The following ATP11B variants were observed in gnomAD, a reference collection of about 807,000 sequenced individuals.
ATP11B encodes the protein phospholipid-transporting ATPase IF.
Under a neutral mutation model 157.8 loss-of-function variants are expected in ATP11B, and 81 were observed. The observed-to-expected ratio is 0.51, with a 90% CI of 0.43 to 0.62. The LOEUF is 0.62. ATP11B is among the 20% of genes least tolerant of loss of function. The pLI is 0.00. For missense variants in ATP11B, 1,165 were observed against 1,402.2 expected (o/e 0.83, Z 2.70); for synonymous variants, 451 against 469.4 (o/e 0.96, Z 0.51).
intron 21 of ATP11B, among the ~76,000 whole-genome samples, chr3:182,881,232 G>A (rs1165300581): frequency 2.0e-5 from 3 of 152,064 alleles, no homozygotes; most frequent in Non-Finnish European, 2.9e-5. Flanking sequence ...TCAGAAGTTC[G>A]AGACCAACCT....
rs369967295 is a variant in ATP11B at position 182,913,974 on chromosome 3, T to C, written c.3432T>C (p.Cys1144=). 6.2e-7 allele frequency: 1 copy of C among 1,614,046 alleles called. No homozygotes were observed. Among genetic ancestry groups the C allele is most frequent in the Non-Finnish European group, 8.5e-7 (1 of 1,179,912 alleles). ...TGCTGGAACGAGTTATAGGAAGATG[T>C]AGTCCAACCCACATCAGCAGGTGTG... ...GRMLERVIGR[C]SPTHISRSWS... Residue 1144 remains cysteine, a synonymous_variant, in exon 29 of 30, where the codon TGT becomes TGC. Transcript: ENST00000323116.
intron 6 of ATP11B, chr3:182,836,711 CT>C (rs1261793032): frequency 2.0e-6 from 1 of 491,948 alleles, no homozygotes; most frequent in Non-Finnish European, 3.5e-6. Flanking sequence ...AAAATATAAT[CT>C]TTTACTATTT....
chr3:182,854,519 A>C (rs563874152), intron 10 of ATP11B, among the ~76,000 whole-genome samples: 1 of 152,230 alleles, frequency 6.6e-6, no homozygotes, highest in East Asian at 1.9e-4. Context: ...TTAGAAGAAA[A>C]CTTAGAAAGA....
chr3:182,869,860 G>T (rs1721519586), intron 17 of ATP11B, among the ~76,000 whole-genome samples: 1 of 152,206 alleles, frequency 6.6e-6, no homozygotes, highest in Non-Finnish European at 1.5e-5. Flanking sequence ...AACCCCAAAT[G>T]TCCAGCTAAC....
At position 182,828,224 on chromosome 3, in the gene ATP11B, T is replaced by C. The variant is rs1293945067; in HGVS notation, c.234+15T>C. The C allele has an allele frequency of 8.2e-7, 1 of 1,222,514 alleles. No homozygotes were observed. The highest frequency in any genetic ancestry group is 1.1e-6 in the Non-Finnish European group (1 of 870,734). 75.7% of individuals were successfully genotyped at this position (1,222,514 alleles called of 1,614,324 possible). A position where few individuals can be genotyped will look rare whatever the true frequency, so the allele number is the denominator to read the frequency against. ...TTTTGGTTCAGGTAAGCTTTATTAC[T>C]CAATCTTAAGTTTGTAAACATAGTT... On this transcript the variant is annotated intron_variant, in intron 3 of 29. Transcript: ENST00000323116.
chr3:182,793,750 C>A lies in ATP11B; in HGVS notation c.-10C>A. 1 of 1,410,336 alleles carries A rather than the reference C, an allele frequency of 7.1e-7. No individual in the cohort carries two copies. The highest frequency in any genetic ancestry group is 9.3e-7 in the Non-Finnish European group (1 of 1,076,608). 87.4% of individuals were successfully genotyped at this position (1,410,336 alleles called of 1,614,324 possible). ...GCGCCCCGCGGGACCCGGACGGCGA[C>A]GACGGGGGAATGTGGCGCTGGATCC... is the stretch of plus-strand genomic sequence containing the variant. On this transcript the variant is annotated 5_prime_UTR_variant, in exon 1 of 30. Coordinates refer to ENST00000323116, the MANE Select transcript of ATP11B (RefSeq NM_014616.3).
At chr3:182,829,349 G>T (rs1203833062) in intron 3 of ATP11B, among the ~76,000 whole-genome samples, 1 of 152,092 alleles carries the variant, frequency 6.6e-6, no homozygotes, top group Non-Finnish European at 1.5e-5. Context: ...GAATCCAAGG[G>T]TAAAAATTGC....
At position 182,889,399 on chromosome 3, in the gene ATP11B, C is replaced by T. The variant is rs1322769685; in HGVS notation, c.2844-11C>T. On this transcript the variant is annotated splice_polypyrimidine_tract_variant and intron_variant, in intron 24 of 29. Coordinates refer to ENST00000323116, the MANE Select transcript of ATP11B (RefSeq NM_014616.3). ...TCCCTAATATGTTTCTTTTTCTCTT[C>T]TTTTTAACAGAGACATTAGTAAAAA... The T allele has an allele frequency of 6.5e-7, 1 of 1,527,040 alleles. No homozygotes were observed. The highest frequency in any genetic ancestry group is 8.8e-7 in the Non-Finnish European group (1 of 1,132,958). The allele number at this position is 1,527,040 out of a possible 1,614,324, so 94.6% of individuals were successfully genotyped here.
At chr3:182,915,249 A>G in intron 29 of ATP11B, 1 of 985,314 alleles carries the variant, frequency 1.0e-6, no homozygotes, top group Non-Finnish European at 1.2e-6. Flanking sequence ...TCTTATGTTA[A>G]CATAATGTCT....
intron 28 of ATP11B, among the ~76,000 whole-genome samples, chr3:182,901,152 G>C (rs1290138076): frequency 1.3e-5 from 2 of 151,804 alleles, no homozygotes; most frequent in Non-Finnish European, 2.9e-5. Context: ...CAGCCTGGGC[G>C]ACAGAGCGAG....
chr3:182,872,792 C>T (rs968142245), intron 18 of ATP11B, among the ~76,000 whole-genome samples: 25 of 152,208 alleles, frequency 1.6e-4, no homozygotes, highest in Middle Eastern at 3.2e-3. Context: ...TACTCCTCAG[C>T]ATGTCATGCA....
At chr3:182,897,218 T>TA (rs1264964700) in intron 26 of ATP11B, 85 bp from the exon 27 acceptor site, 6 of 729,758 alleles carry the variant, frequency 8.2e-6, no homozygotes, top group African/African-American at 1.8e-5. Context: ...TTTAGATACT[T>TA]ATGTTTATTC....
intron 1 of ATP11B, among the ~76,000 whole-genome samples, chr3:182,818,254 C>T (rs1178175704): frequency 6.6e-6 from 1 of 152,180 alleles, no homozygotes; most frequent in Non-Finnish European, 1.5e-5. Context: ...TCCTGTGAAC[C>T]TCTTTTGAGA....
chr3:182,848,588 T>G, intron 10 of ATP11B, 31 bp downstream of exon 10: 1 of 1,227,832 alleles, frequency 8.1e-7, no homozygotes, highest in Non-Finnish European at 1.1e-6. Flanking sequence ...TATTTATATG[T>G]AATTATAACT....
intron 7 of ATP11B, among the ~76,000 whole-genome samples, chr3:182,841,264 T>C (rs1180032860): frequency 6.6e-6 from 1 of 152,244 alleles, no homozygotes; most frequent in East Asian, 1.9e-4. Context: ...TTTTCTAGTA[T>C]ACTGTGTAAT....
intron 1 of ATP11B, among the ~76,000 whole-genome samples, chr3:182,813,127 A>C (rs1315791990): frequency 6.6e-6 from 1 of 152,198 alleles, no homozygotes; most frequent in African/African-American, 2.4e-5. Context: ...GTTGATGAAC[A>C]CTTGGATTGC....
intron 28 of ATP11B, among the ~76,000 whole-genome samples, chr3:182,902,971 A>G (rs915342501): frequency 6.6e-6 from 1 of 152,032 alleles, no homozygotes; most frequent in African/African-American, 2.4e-5. Flanking sequence ...CTTAATCTGT[A>G]TTGTAAATAC....
chr3:182,831,732 A>G (rs1419589912), intron 4 of ATP11B, among the ~76,000 whole-genome samples: 2 of 152,130 alleles, frequency 1.3e-5, no homozygotes, highest in Non-Finnish European at 1.5e-5. Context: ...ATTTTACTCT[A>G]TACTTAAACT....
In ATP11B at chr3:182,873,877, T is replaced by C; in HGVS notation, c.2114T>C (p.Leu705Pro). The C allele has an allele frequency of 6.2e-7, 1 of 1,614,178 alleles. No individual in the cohort carries two copies. Among genetic ancestry groups the C allele is most frequent in the South Asian group, 1.1e-5 (1 of 91,090 alleles). ...ATGGCTGGTATCAAAGTATGGGTACTTACTGGGGATAAACATGAAACAGCT... is the reference window on the plus strand; with the variant it reads ...ATGGCTGGTATCAAAGTATGGGTACCTACTGGGGATAAACATGAAACAGCT... ...LRMAGIKVWV[L>P]TGDKHETAVS... is the part of the protein sequence containing the mutation. Residue 705 changes from leucine (L) to proline (P), a missense_variant, in exon 19 of 30, where the codon CTT (leucine) becomes CCT (proline). Transcript: ENST00000323116.
Sources: allele counts gnomAD v4.1 joint callset (sites outside exome capture counted in the v4.1 genomes callset), GRCh38; gene constraint gnomAD v4.1.1; transcripts MANE v1.5; gene names NCBI Gene and HGNC (gene_info 2026-07-23, HGNC 2026-07-21).